MPPED1: variants seen among roughly 807,000 people sequenced by gnomAD.
MPPED1 encodes the protein metallophosphoesterase domain containing 1.
A neutral mutation model predicts 36.2 loss-of-function variants in MPPED1; 16 were observed. The observed-to-expected ratio is 0.44, with a 90% confidence interval of 0.30 to 0.67. The LOEUF is 0.67. Ranked by LOEUF, MPPED1 falls within the 30% of genes least tolerant of loss-of-function variation. The pLI, the probability that MPPED1 is intolerant of heterozygous loss-of-function variation, is 0.10. For synonymous variants in MPPED1, 199 were observed against 191.3 expected (o/e 1.04, Z -0.33); for missense variants, 307 against 453.4 (o/e 0.68, Z 2.93).
At chr22:43,469,439 G>A in intron 3 of MPPED1, among the ~76,000 whole-genome samples, 1 of 12,726 alleles carries the variant, frequency 7.9e-5, no homozygotes, top group East Asian at 4.0e-3. Flanking sequence ...CTAATGATTG[G>A]TCACTGGGAA....
rs1265172547 is a variant in MPPED1, at chr22:43,412,083, C to T, written c.-154C>T. On this transcript the variant is annotated 5_prime_UTR_variant, in exon 1 of 7. Coordinates refer to ENST00000443721, the MANE Select transcript of MPPED1 (RefSeq NM_001044370.2). Reference sequence around the variant, plus strand: ...GCCCCCGCCCCTGCGCGCCTCCCTCCCGGGAGCCCCTGCCTCCCTCGGTGC... The same window carrying T: ...GCCCCCGCCCCTGCGCGCCTCCCTCTCGGGAGCCCCTGCCTCCCTCGGTGC... The T allele has an allele frequency of 1.0e-6, 1 of 979,546 alleles. No homozygotes were observed. Among genetic ancestry groups the T allele is most frequent in the African/African-American group, 1.8e-5 (1 of 56,590 alleles). The allele number at this position is 979,546 out of a possible 1,614,324, so 60.7% of individuals were successfully genotyped here.
Position 43,448,061 on chromosome 22 carries a change from T to C in MPPED1, c.406+12846T>C, listed in dbSNP as rs931596523. 3.3e-5 allele frequency among the ~76,000 whole-genome samples: 5 copies of C among 151,684 alleles called. No homozygotes were observed. In the South Asian group the frequency reaches 6.2e-4, roughly 19 times the overall value. On this transcript the variant is annotated intron_variant, in intron 3 of 6. Coordinates refer to ENST00000443721, the MANE Select transcript of MPPED1 (RefSeq NM_001044370.2). The stretch of plus-strand genomic sequence containing the variant: ...GCCTGGCTAATTTTTGTATTTTTAA[T>C]TTTTGTATTTAGAGGCAGGGTTTCA...
chr22:43,458,415 A>G (rs1930830405), intron 3 of MPPED1, among the ~76,000 whole-genome samples: 1 of 151,822 alleles, frequency 6.6e-6, no homozygotes, highest in Non-Finnish European at 1.5e-5. Flanking sequence ...CCTCCCAAGT[A>G]GCTGGGATTA....
At chr22:43,489,523 ATT>A (rs143578421) in intron 4 of MPPED1, among the ~76,000 whole-genome samples, 1 of 143,822 alleles carries the variant, frequency 7.0e-6, no homozygotes. Flanking sequence ...GTCCCCTGAC[ATT>A]TTTTTTTTTT....
In MPPED1 at chr22:43,432,545, A is replaced by AAGAAAGGGAGGAGAGAG. The variant is rs1569067208; in HGVS notation, c.225-2485_225-2469dup. 5.5e-3 allele frequency among the ~76,000 whole-genome samples: 318 copies of AAGAAAGGGAGGAGAGAG among 57,354 alleles called. 11 individuals carry two copies. Among genetic ancestry groups the AAGAAAGGGAGGAGAGAG allele is most frequent in the Non-Finnish European group, 9.4e-3 (262 of 27,782 alleles). 37.6% of individuals were successfully genotyped at this position (57,354 alleles called of 152,430 possible). A position where few individuals can be genotyped will look rare whatever the true frequency, so the allele number is the denominator to read the frequency against. Reference sequence around the variant, plus strand: ...AGGAGAGAGATAAAGGGAGGAGAGAAAGAAAGGGAGGAGAGAGAGAGAAAG... The same window carrying AAGAAAGGGAGGAGAGAG: ...AGGAGAGAGATAAAGGGAGGAGAGAAAGAAAGGGAGGAGAGAGAGAAAGGGAGGAGAGAGAGAGAAAG... On this transcript the variant is annotated intron_variant, in intron 2 of 6. Transcript: ENST00000443721.
chr22:43,478,061 C>A (rs1601999099), intron 4 of MPPED1, among the ~76,000 whole-genome samples: 1 of 152,342 alleles, frequency 6.6e-6, no homozygotes, highest in Middle Eastern at 3.4e-3. Context: ...GCTAGGCCTG[C>A]AATTACCCCA....
At chr22:43,455,115 C>CTTTTGTTTTTT (rs1930707183) in intron 3 of MPPED1, among the ~76,000 whole-genome samples, 1 of 122,768 alleles carries the variant, frequency 8.1e-6, no homozygotes, top group Non-Finnish European at 1.6e-5. Flanking sequence ...CCTTCATGTC[C>CTTTTGTTTTTT]TTTTTTTTTT....
At chr22:43,498,814 A>G (rs558452317) in intron 5 of MPPED1, among the ~76,000 whole-genome samples, 2 of 151,338 alleles carry the variant, frequency 1.3e-5, no homozygotes, top group South Asian at 2.1e-4. Context: ...CCACCACCCA[A>G]TCCACACTGA....
intron 1 of MPPED1, among the ~76,000 whole-genome samples, chr22:43,423,467 A>G (rs1929348686): frequency 6.6e-6 from 1 of 152,158 alleles, no homozygotes; most frequent in Non-Finnish European, 1.5e-5. Flanking sequence ...TCCCCAGGAA[A>G]AGGGAGATTT....
chr22:43,415,412 T>C (rs374991674), intron 1 of MPPED1, among the ~76,000 whole-genome samples: 4 of 152,132 alleles, frequency 2.6e-5, no homozygotes, highest in African/African-American at 9.7e-5. Context: ...TTATTTTGAC[T>C]TTTTTCCCCC....
intron 3 of MPPED1, among the ~76,000 whole-genome samples, chr22:43,445,833 G>T (rs1930321054): frequency 6.7e-6 from 1 of 149,614 alleles, no homozygotes; most frequent in Admixed American, 6.7e-5. Context: ...GCCTCCCAAA[G>T]TGCTGGGATT....
rs957609066 is a variant in MPPED1 at position 43,502,242 on chromosome 22, C to T, written c.749-402C>T. 2.0e-5 allele frequency among the ~76,000 whole-genome samples: 3 copies of T among 152,124 alleles called. No individual in the cohort carries two copies. Among genetic ancestry groups the T allele is most frequent in the Non-Finnish European group, 4.4e-5 (3 of 68,018 alleles). Reference sequence around the variant, plus strand: ...TGCTCTGCAACTAACCACCAGGGTGCCTGCCCTTGGGACTCACCCGTCCCT... The same window carrying T: ...TGCTCTGCAACTAACCACCAGGGTGTCTGCCCTTGGGACTCACCCGTCCCT... On this transcript the variant is annotated intron_variant, in intron 5 of 6. Coordinates refer to ENST00000443721, the MANE Select transcript of MPPED1 (RefSeq NM_001044370.2). This position sits in a 1 kb window ranked among gnomAD's most constrained non-coding sequence, Gnocchi z 5.5.
At chr22:43,470,230 A>G (rs1003694008) in intron 3 of MPPED1, among the ~76,000 whole-genome samples, 1 of 150,742 alleles carries the variant, frequency 6.6e-6, no homozygotes, top group African/African-American at 2.5e-5. Context: ...GTATGCATCT[A>G]TATATCCATC....
At chr22:43,468,706 C>T (rs1284597047) in intron 3 of MPPED1, among the ~76,000 whole-genome samples, 4 of 152,266 alleles carry the variant, frequency 2.6e-5, no homozygotes, top group East Asian at 1.9e-4. Flanking sequence ...AGCGGAGCCT[C>T]GCCAGGGTCT....
intron 4 of MPPED1, among the ~76,000 whole-genome samples, chr22:43,488,816 G>C (rs987116792): frequency 6.6e-6 from 1 of 152,220 alleles, no homozygotes; most frequent in Non-Finnish European, 1.5e-5. Flanking sequence ...ATGGCTTAGC[G>C]GGAATTCGCA....
At chr22:43,501,798 CTT>C (rs1442245678) in intron 5 of MPPED1, among the ~76,000 whole-genome samples, 1 of 152,062 alleles carries the variant, frequency 6.6e-6, no homozygotes, top group Non-Finnish European at 1.5e-5. Context: ...TTCCTGGTCT[CTT>C]TTCTCTGCTT....
intron 2 of MPPED1, among the ~76,000 whole-genome samples, chr22:43,431,642 G>A (rs541829112): frequency 1.3e-5 from 2 of 152,302 alleles, no homozygotes; most frequent in East Asian, 3.9e-4. Flanking sequence ...CCTTTTCTGA[G>A]CCTTGGTTTG....
At chr22:43,501,429 T>C (rs1427887322) in intron 5 of MPPED1, among the ~76,000 whole-genome samples, 1 of 151,402 alleles carries the variant, frequency 6.6e-6, no homozygotes, top group Admixed American at 6.6e-5. Flanking sequence ...TCTCCAAACA[T>C]GGTGTCGTTT....
In MPPED1 at chr22:43,472,589, G is replaced by A. The variant is rs73887320; in HGVS notation, c.407-2147G>A. ...CCCCGCCCCAGAGTTGATAAATCCC[G>A]AAGAAGAAAGAGCAGTGCTTTCTTT... On this transcript the variant is annotated intron_variant, in intron 3 of 6. Coordinates refer to ENST00000443721, the MANE Select transcript of MPPED1 (RefSeq NM_001044370.2). 4.0e-3 allele frequency among the ~76,000 whole-genome samples: 612 copies of A among 152,316 alleles called. 2 individuals are homozygous for A. The highest frequency in any genetic ancestry group is 0.014 in the African/African-American group (570 of 41,562).
Sources: gnomAD v4.1 joint callset for allele counts (sites outside exome capture counted in the v4.1 genomes callset) on GRCh38, gnomAD v4.1.1 for gene constraint, Gnocchi (gnomAD v3.1) non-coding constraint, MANE v1.5 for transcripts, NCBI Gene and HGNC (gene_info 2026-07-23, HGNC 2026-07-21) for gene names.